The following TMEM232 variants were observed in gnomAD, a reference collection of about 807,000 sequenced individuals.
The protein encoded by TMEM232 is transmembrane protein 232.
TMEM232 carries 80 observed loss-of-function variants against 78.8 expected under a neutral mutation model. The observed-to-expected ratio is 1.01, with a 90% CI of 0.85 to 1.22. The LOEUF is 1.22. TMEM232 is among the 50% of genes most tolerant of loss of function. The pLI is 0.00. For missense variants in TMEM232, 881 were observed against 742.2 expected (o/e 1.19, Z -2.17); for synonymous variants, 297 against 254.3 (o/e 1.17, Z -1.60).
At chr5:110,695,561 C>A (rs964184628) in intron 1 of TMEM232, among the ~76,000 whole-genome samples, 6 of 151,818 alleles carry the variant, frequency 4.0e-5, no homozygotes, top group Non-Finnish European at 7.4e-5. Context: ...GCTAGCAAGA[C>A]TAATAAAGAA....
At chr5:110,537,412 C>T (rs1394676467) in intron 11 of TMEM232, among the ~76,000 whole-genome samples, 1 of 152,006 alleles carries the variant, frequency 6.6e-6, no homozygotes, top group East Asian at 1.9e-4. Context: ...TTGCAAGATG[C>T]ACGGCAAATG....
chr5:110,707,757 C>CTTTGCTTAAGCACT (rs1374683960), intron 1 of TMEM232, among the ~76,000 whole-genome samples: 5 of 152,200 alleles, frequency 3.3e-5, no homozygotes, highest in Non-Finnish European at 7.3e-5. Context: ...GAGACTCCTT[C>CTTTGCTTAAGCACT]CTTCTGCTTA....
chr5:110,731,872 C>G (rs1302862304), intron 2 of TMEM232, among the ~76,000 whole-genome samples: 1 of 152,206 alleles, frequency 6.6e-6, no homozygotes, highest in African/African-American at 2.4e-5. Context: ...GCTTGAATTT[C>G]TCCTCAAAAA....
intron 12 of TMEM232, among the ~76,000 whole-genome samples, chr5:110,525,660 G>T (rs548210028): frequency 1.3e-5 from 2 of 151,552 alleles, no homozygotes; most frequent in Middle Eastern, 6.4e-3. Context: ...TTTACAACTA[G>T]ATTGTTAGAA....
intron 12 of TMEM232, among the ~76,000 whole-genome samples, chr5:110,464,883 T>G (rs1165124435): frequency 6.6e-6 from 1 of 152,130 alleles, no homozygotes; most frequent in Non-Finnish European, 1.5e-5. Flanking sequence ...CATGCTATAG[T>G]TCACTAAACT....
At chr5:110,680,136 C>T (rs1419489546) in intron 1 of TMEM232, among the ~76,000 whole-genome samples, 5 of 151,994 alleles carry the variant, frequency 3.3e-5, no homozygotes, top group African/African-American at 9.7e-5. Flanking sequence ...CAGTGGCTCA[C>T]GTCTGTAATC....
At chr5:110,648,963 C>CAGTT (rs2150049407) in intron 2 of TMEM232, among the ~76,000 whole-genome samples, 1 of 152,164 alleles carries the variant, frequency 6.6e-6, no homozygotes, top group South Asian at 2.1e-4. Context: ...AGAAGGTAAA[C>CAGTT]AGTTGCTGGT....
At chr5:110,450,188 T>G (rs1300830937) in intron 12 of TMEM232, among the ~76,000 whole-genome samples, 1 of 152,178 alleles carries the variant, frequency 6.6e-6, no homozygotes, top group Non-Finnish European at 1.5e-5. Context: ...ACTTCCTGTA[T>G]AGTCTGTGGA....
intron 12 of TMEM232, among the ~76,000 whole-genome samples, chr5:110,516,187 C>T (rs1281149874): frequency 6.6e-6 from 1 of 151,976 alleles, no homozygotes; most frequent in Non-Finnish European, 1.5e-5. Flanking sequence ...TGCAGTGAGC[C>T]GAGATCGCGC....
intron 10 of TMEM232, among the ~76,000 whole-genome samples, chr5:110,587,583 C>A (rs1271811866): frequency 6.7e-6 from 1 of 150,226 alleles, no homozygotes; most frequent in Non-Finnish European, 1.5e-5. Context: ...AAAATAGAAG[C>A]CACTTTTGTA....
At chr5:110,404,473 G>GA (rs1195951702) in intron 2 of TMEM232, among the ~76,000 whole-genome samples, 8 of 152,060 alleles carry the variant, frequency 5.3e-5, no homozygotes, top group African/African-American at 1.4e-4. Context: ...ACTCTACTCT[G>GA]AAAAAAGTGT....
chr5:110,549,878 C>T (rs1328193616), intron 11 of TMEM232, among the ~76,000 whole-genome samples: 1 of 152,056 alleles, frequency 6.6e-6, no homozygotes, highest in Admixed American at 6.6e-5. Context: ...AATAGCTTCA[C>T]TTGTGAATTC....
intron 12 of TMEM232, among the ~76,000 whole-genome samples, chr5:110,495,395 A>G: frequency 6.6e-6 from 1 of 151,942 alleles, no homozygotes; most frequent in East Asian, 1.9e-4. Flanking sequence ...TTTTAAAGTT[A>G]TCCCAGGTAG....
intron 1 of TMEM232, among the ~76,000 whole-genome samples, chr5:110,695,215 A>T (rs905789809): frequency 6.6e-6 from 1 of 152,132 alleles, no homozygotes; most frequent in Admixed American, 6.6e-5. Context: ...GGGTACATAA[A>T]GAAATGAAGG....
At chr5:110,437,126 C>A (rs1279719894) in intron 12 of TMEM232, among the ~76,000 whole-genome samples, 2 of 151,798 alleles carry the variant, frequency 1.3e-5, no homozygotes, top group African/African-American at 4.8e-5. Context: ...CAATTTCTTT[C>A]ATCAGTGTTT....
chr5:110,392,201 T>G (rs376335625), intron 3 of TMEM232, among the ~76,000 whole-genome samples: 102 of 152,308 alleles, frequency 6.7e-4, no homozygotes, highest in African/African-American at 2.4e-3. Flanking sequence ...GGTGCCTTAA[T>G]TGCTCTCCCA....
intron 8 of TMEM232, among the ~76,000 whole-genome samples, chr5:110,609,334 G>A (rs1781894549): frequency 6.6e-6 from 1 of 151,994 alleles, no homozygotes. Flanking sequence ...GCACCCACAT[G>A]CCACTTCTTG....
chr5:110,396,957 T>C (rs1035304947), intron 3 of TMEM232, among the ~76,000 whole-genome samples: 4 of 152,142 alleles, frequency 2.6e-5, no homozygotes, highest in Non-Finnish European at 4.4e-5. Context: ...CTCTGATAAC[T>C]AGGAAGAGGC....
In TMEM232 at chr5:110,439,105, C is replaced by T. The variant is rs140101752; in HGVS notation, c.1704-14189G>A. On this transcript the variant is annotated intron_variant, in intron 12 of 13. Transcript: ENST00000455884. Reference sequence around the variant, plus strand: ...ATAGTTCAAACATTAGATTTACTGTCTTTAACCCTCATTAGCTTGCCCAAA... The same window carrying T: ...ATAGTTCAAACATTAGATTTACTGTTTTTAACCCTCATTAGCTTGCCCAAA... 6.3e-3 allele frequency among the ~76,000 whole-genome samples: 954 copies of T among 152,210 alleles called. 25 individuals are homozygous for T. The highest frequency in any genetic ancestry group is 0.035 in the Admixed American group (531 of 15,272).
Sources: allele counts gnomAD v4.1 joint callset (sites outside exome capture counted in the v4.1 genomes callset), GRCh38; gene constraint gnomAD v4.1.1; transcripts MANE v1.5; gene names NCBI Gene and HGNC (gene_info 2026-07-23, HGNC 2026-07-21).